ZNF716: variants seen among roughly 807,000 people sequenced by gnomAD.
The protein encoded by ZNF716 is zinc finger protein 716.
A neutral mutation model predicts 13.4 loss-of-function variants in ZNF716; 9 were observed. The observed-to-expected ratio is 0.67, with a 90% CI of 0.41 to 1.18. ZNF716 has a LOEUF of 1.18. Among genes scored for constraint, ZNF716 ranks in the 50% most tolerant of loss-of-function variants. The pLI is 0.01. For missense variants in ZNF716, 581 were observed against 576.6 expected, an observed-to-expected ratio of 1.01 and a Z score of -0.08; for synonymous variants, 186 against 195.2, an observed-to-expected ratio of 0.95 and a Z score of 0.39.
At chr7:57,456,184 G>C (rs1263009923) in intron 1 of ZNF716, among the ~76,000 whole-genome samples, 1 of 151,700 alleles carries the variant, frequency 6.6e-6, no homozygotes, top group Non-Finnish European at 1.5e-5. Flanking sequence ...TTGAACTCCT[G>C]ACCTCATGAT....
rs781946785 is a variant in ZNF716 at position 57,468,835 on chromosome 7, TA to T, written c.381del (p.Lys127AsnfsTer6). 2.5e-6 allele frequency: 4 copies of T among 1,613,564 alleles called. No individual in the cohort carries two copies. Among genetic ancestry groups the T allele is most frequent in the Non-Finnish European group, 3.4e-6 (4 of 1,179,834 alleles). Reference protein sequence around the residue: ...YGKCGQEDLQVKKCCKSVGEC... With the variant: ...YGKCGQEDLQXKKCCKSVGEC... ...AAATGTGGACAGGAGGATTTACAAG[TA>T]AAAAAATGCTGTAAAAGTGTAGGTG... is the stretch of plus-strand genomic sequence containing the variant. On this transcript the variant is annotated frameshift_variant, in exon 4 of 4. Coordinates refer to ENST00000420713, the MANE Select transcript of ZNF716 (RefSeq NM_001159279.1). LOFTEE classifies it low-confidence loss of function (END_TRUNC).
chr7:57,466,849 T>C (rs1789825926), intron 3 of ZNF716, among the ~76,000 whole-genome samples: 1 of 152,110 alleles, frequency 6.6e-6, no homozygotes, highest in Non-Finnish European at 1.5e-5. Context: ...TAATTCTTGC[T>C]TCATTTCTGT....
intron 3 of ZNF716, among the ~76,000 whole-genome samples, chr7:57,466,355 A>G (rs572208791): frequency 6.6e-6 from 1 of 150,828 alleles, no homozygotes; most frequent in Non-Finnish European, 1.5e-5. Context: ...TCCAAATCTC[A>G]TGTTGAAATG....
At chr7:57,463,635 A>C (rs1283568109) in intron 3 of ZNF716, among the ~76,000 whole-genome samples, 7 of 126,660 alleles carry the variant, frequency 5.5e-5, no homozygotes, top group South Asian at 2.7e-4. Flanking sequence ...TTGACATATA[A>C]ATTTTTTTTA....
At position 57,466,245 on chromosome 7, in the gene ZNF716, A is replaced by T. The variant is rs183864810; in HGVS notation, c.263-2479A>T. Among the ~76,000 whole-genome samples the T allele has an allele frequency of 1.4e-3, 208 of 152,250 alleles. 2 individuals are homozygous for T. In the Middle Eastern group the frequency reaches 0.027, roughly 20 times the overall value. ...AACATATTATGAAAATATATATATA[A>T]AAAAGAATATTGTGTGTCCAACCGC... On this transcript the variant is annotated intron_variant, in intron 3 of 3. Coordinates refer to ENST00000420713, the MANE Select transcript of ZNF716 (RefSeq NM_001159279.1).
rs1554324755 is a variant in ZNF716 at position 57,469,376 on chromosome 7, T to C, written c.915T>C (p.Phe305=). 6.2e-7 allele frequency: 1 copy of C among 1,613,644 alleles called. No individual in the cohort carries two copies. Among genetic ancestry groups the C allele is most frequent in the African/African-American group, 1.3e-5 (1 of 74,930 alleles). ...PYTCEECGKA[F]SRSSTLTNHK... ...CATGTGAAGAATGTGGCAAAGCCTTTAGCCGCTCTTCAACACTTACTAACC... is the reference window on the plus strand; with the variant it reads ...CATGTGAAGAATGTGGCAAAGCCTTCAGCCGCTCTTCAACACTTACTAACC... The change falls in exon 4 of 4, where the codon TTT becomes TTC. Residue 305 remains phenylalanine (F), a synonymous_variant. Coordinates refer to ENST00000420713, the MANE Select transcript of ZNF716 (RefSeq NM_001159279.1).
chr7:57,450,581 C>G (rs1789468836), intron 1 of ZNF716, among the ~76,000 whole-genome samples: 1 of 152,110 alleles, frequency 6.6e-6, no homozygotes, highest in African/African-American at 2.4e-5. Context: ...CTGGGCAGCT[C>G]TACACTCCCA....
intron 1 of ZNF716, 74 bp downstream of exon 1, chr7:57,450,401 A>G: frequency 6.2e-7 from 1 of 1,612,530 alleles, no homozygotes; most frequent in Non-Finnish European, 8.5e-7. Flanking sequence ...CTGTAGCAGG[A>G]CCCAAACTTC....
At position 57,469,456 on chromosome 7, in the gene ZNF716, C is replaced by A. The variant is rs782409813; in HGVS notation, c.995C>A (p.Ala332Asp). The change falls in exon 4 of 4, where the codon GCC (alanine) becomes GAC (aspartate). Residue 332 changes from alanine (A) to aspartate (D), a missense_variant. Physicochemically the swap from Ala to Asp is moderately radical, Grantham distance 126. Coordinates refer to ENST00000420713, the MANE Select transcript of ZNF716 (RefSeq NM_001159279.1). Reference sequence around the variant, plus strand: ...TACAAATGTGAAGAATGTGGCAAAGCCTTTAGCTTATCCTCAACCCTTAAG... The same window carrying A: ...TACAAATGTGAAGAATGTGGCAAAGACTTTAGCTTATCCTCAACCCTTAAG... ...RPYKCEECGK[A>D]FSLSSTLKKH... is the part of the protein sequence containing the mutation. 6 of 1,613,790 alleles carry A rather than the reference C, an allele frequency of 3.7e-6. No homozygotes were observed. Among genetic ancestry groups the A allele is most frequent in the Non-Finnish European group, 4.2e-6 (5 of 1,179,926 alleles).
chr7:57,463,395 G>C (rs1789744295), intron 3 of ZNF716, among the ~76,000 whole-genome samples: 1 of 152,198 alleles, frequency 6.6e-6, no homozygotes, highest in African/African-American at 2.4e-5. Flanking sequence ...CAAGTTCATA[G>C]TGCGAGCTAA....
intron 1 of ZNF716, among the ~76,000 whole-genome samples, chr7:57,457,273 T>C (rs925870430): frequency 9.9e-5 from 15 of 152,198 alleles, no homozygotes; most frequent in African/African-American, 3.6e-4. Context: ...TAGCCCCACA[T>C]GGACCACTGT....
chr7:57,468,744 C>G lies in ZNF716; in HGVS notation c.283C>G (p.Gln95Glu). The G allele has an allele frequency of 6.2e-7, 1 of 1,609,960 alleles. No homozygotes were observed. The highest frequency in any genetic ancestry group is 1.1e-5 in the South Asian group (1 of 90,102). ...TTCAGTTACATGTTCTCATTTCACC[C>G]AAGACCTTCAGTCAGAGCAGGGCAT... ...KHPVTCSHFT[Q>E]DLQSEQGIKD... The change falls in exon 4 of 4, where the codon CAA becomes GAA. Residue 95 changes from glutamine (Q) to glutamate (E), a missense_variant. Transcript: ENST00000420713.
chr7:57,461,878 G>A (rs782802902), intron 1 of ZNF716, among the ~76,000 whole-genome samples: 1 of 152,110 alleles, frequency 6.6e-6, no homozygotes, highest in African/African-American at 2.4e-5. Context: ...AGACATGTCC[G>A]ACTGGGTGCA....
chr7:57,460,155 A>G (rs1331665317), intron 1 of ZNF716, among the ~76,000 whole-genome samples: 1 of 152,100 alleles, frequency 6.6e-6, no homozygotes, highest in Non-Finnish European at 1.5e-5. Flanking sequence ...AGGGAGGCCA[A>G]GGCGGGCAGA....
chr7:57,462,260 A>G (rs1395541349), intron 1 of ZNF716, 200 bp from the exon 2 acceptor site: 1 of 621,648 alleles, frequency 1.6e-6, no homozygotes, highest in Non-Finnish European at 2.9e-6. Context: ...ATCTTATGCT[A>G]TCCTCTTTTC....
Position 57,469,823 on chromosome 7 carries a change from T to C in ZNF716, c.1362T>C (p.His454=), listed in dbSNP as rs184317577. The C allele has an allele frequency of 3.1e-6, 5 of 1,603,396 alleles. No individual in the cohort carries two copies. The East Asian group carries it at 9.0e-5, about 29-fold the overall frequency. The stretch of plus-strand genomic sequence containing the variant: ...CCTTCTCCTCAACTCTAAATACTCA[T>C]AAGAGGATTCATACTGGAGAGAAAC... ...AFTFSSTLNT[H]KRIHTGEKPY... Residue 454 remains histidine, a synonymous_variant, in exon 4 of 4, where the codon CAT becomes CAC. Transcript: ENST00000420713.
At position 57,463,140 on chromosome 7, in the gene ZNF716, G is replaced by C; in HGVS notation, c.234G>C (p.Lys78Asn). The C allele has an allele frequency of 1.2e-6, 2 of 1,609,276 alleles. No individual in the cohort carries two copies. The highest frequency in any genetic ancestry group is 1.7e-4 in the Middle Eastern group (1 of 6,060). ...AAAATAAAGAGCCCCAGAATATAAA[G>C]AGAAATGAGATGGTAGCCAAACACC... ...LEQNKEPQNI[K>N]RNEMVAKHPV... Residue 78 changes from lysine to asparagine, a missense_variant, in exon 3 of 4, where the codon AAG (lysine) becomes AAC (asparagine). Physicochemically the swap from Lys to Asn is moderately conservative, Grantham distance 94. Transcript: ENST00000420713.
chr7:57,450,280 C>G lies in ZNF716; in HGVS notation c.-9C>G. 1 of 1,613,964 alleles carries G rather than the reference C, an allele frequency of 6.2e-7. No individual in the cohort carries two copies. The highest frequency in any genetic ancestry group is 1.1e-5 in the South Asian group (1 of 91,078). Reference sequence around the variant, plus strand: ...TGTGGCCTTGTGTCCTGCAAGTATTCGCAGATTTATGGCTAAAAGACCGGG... The same window carrying G: ...TGTGGCCTTGTGTCCTGCAAGTATTGGCAGATTTATGGCTAAAAGACCGGG... On this transcript the variant is annotated 5_prime_UTR_variant, in exon 1 of 4. Coordinates refer to ENST00000420713, the MANE Select transcript of ZNF716 (RefSeq NM_001159279.1).
At chr7:57,460,637 T>C (rs1225966041) in intron 1 of ZNF716, among the ~76,000 whole-genome samples, 1 of 152,102 alleles carries the variant, frequency 6.6e-6, no homozygotes, top group Non-Finnish European at 1.5e-5. Context: ...CACCACAAAT[T>C]TATGACCTGC....
Sources: allele counts gnomAD v4.1 joint callset (sites outside exome capture counted in the v4.1 genomes callset), GRCh38; gene constraint gnomAD v4.1.1; transcripts MANE v1.5; gene names NCBI Gene and HGNC (gene_info 2026-07-23, HGNC 2026-07-21).